The following DNM3 variants were observed in gnomAD, a reference collection of about 807,000 sequenced individuals.
DNM3 encodes the protein dynamin 3, also known as dynamin-3.
In DNM3, 47 loss-of-function variants were observed where a neutral mutation model predicts 101.6. That is an observed-to-expected ratio of 0.46 (90% CI 0.37 to 0.59). The LOEUF (loss-of-function observed/expected upper bound fraction) is 0.59, where lower values mean the gene tolerates loss of function less well. DNM3 is among the 20% of genes least tolerant of loss of function. DNM3 has a pLI of 0.00. For missense variants in DNM3, 849 were observed against 1,085.7 expected (o/e 0.78, Z 3.06); for synonymous variants, 385 against 387.9 (o/e 0.99, Z 0.09).
At chr1:172,278,199 A>G (rs373554801) in intron 15 of DNM3, among the ~76,000 whole-genome samples, 5 of 152,128 alleles carry the variant, frequency 3.3e-5, no homozygotes, top group African/African-American at 1.2e-4. Context: ...AGGTGTATAA[A>G]TAGCTATGGT....
intron 10 of DNM3, among the ~76,000 whole-genome samples, chr1:172,067,584 C>A (rs995836189): frequency 6.6e-6 from 1 of 152,110 alleles, no homozygotes; most frequent in East Asian, 1.9e-4. Context: ...CTGTTCCTGG[C>A]AAGCTTCATC....
At position 171,841,821 on chromosome 1, in the gene DNM3, A is replaced by T. The variant is rs758190686; in HGVS notation, c.161+4A>T. 17 of 1,604,942 alleles carry T rather than the reference A, an allele frequency of 1.1e-5. No individual in the cohort carries two copies. The highest frequency in any genetic ancestry group is 1.4e-5 in the Non-Finnish European group (17 of 1,177,946). On this transcript the variant is annotated splice_donor_region_variant and intron_variant, in intron 1 of 20. Transcript: ENST00000627582. ...TGCTCGAGAACTTCGTGGGCAGGTA[A>T]GCGCGCAGGGCGCGGAGTAAGGATG...
At chr1:172,068,719 G>C (rs2051904709) in intron 10 of DNM3, 100 bp from the exon 11 acceptor site, 3 of 1,038,492 alleles carry the variant, frequency 2.9e-6, no homozygotes, top group Non-Finnish European at 2.9e-6. Context: ...TTCCAGAATG[G>C]CAATGAATAT....
At chr1:172,164,307 G>T (rs901635147) in intron 14 of DNM3, among the ~76,000 whole-genome samples, 2 of 147,048 alleles carry the variant, frequency 1.4e-5, no homozygotes, top group African/African-American at 2.6e-5. Context: ...CAGTGTTAAG[G>T]TCTGTGTTCA....
intron 15 of DNM3, among the ~76,000 whole-genome samples, chr1:172,304,744 C>T (rs912339771): frequency 2.0e-5 from 3 of 152,156 alleles, no homozygotes; most frequent in African/African-American, 4.8e-5. Flanking sequence ...CAAAACCGCT[C>T]AACTACATGA....
Position 172,174,876 on chromosome 1 carries a change from A to G in DNM3, c.1659+43588A>G, listed in dbSNP as rs568289812. On this transcript the variant is annotated intron_variant, in intron 14 of 20. Coordinates refer to ENST00000627582, the MANE Select transcript of DNM3 (RefSeq NM_015569.5). The stretch of plus-strand genomic sequence containing the variant: ...AATATTTTCTGAATAAGATATCACA[A>G]AATGGTTCAGAAAGTTTCCATAATT... Among the ~76,000 whole-genome samples, 12 of 151,878 alleles carry G rather than the reference A, an allele frequency of 7.9e-5. No homozygotes were observed. In the East Asian group the frequency reaches 1.9e-3, roughly 25 times the overall value.
At chr1:172,169,792 T>A (rs593688) in intron 14 of DNM3, among the ~76,000 whole-genome samples, 43,708 of 151,760 alleles carry the variant, frequency 0.29, 6,642 homozygotes, top group Middle Eastern at 0.35. Context: ...TAAGCTGTTA[T>A]TTGATGTGAA....
intron 14 of DNM3, among the ~76,000 whole-genome samples, chr1:172,219,982 T>G (rs973286247): frequency 6.6e-6 from 1 of 152,188 alleles, no homozygotes; most frequent in Non-Finnish European, 1.5e-5. Context: ...TTTTTCTAGA[T>G]TGCAAGTAAG....
At chr1:172,269,904 G>C (rs2063016475) in intron 15 of DNM3, among the ~76,000 whole-genome samples, 3 of 152,126 alleles carry the variant, frequency 2.0e-5, no homozygotes, top group Admixed American at 6.6e-5. Flanking sequence ...AATATCCCTA[G>C]CTGGGCCCAG....
intron 4 of DNM3, among the ~76,000 whole-genome samples, chr1:171,990,868 C>T (rs951311908): frequency 2.0e-5 from 3 of 152,112 alleles, no homozygotes; most frequent in Non-Finnish European, 2.9e-5. Context: ...AGGACCATCA[C>T]CAGGACTCCC....
Position 172,409,152 on chromosome 1 carries a change from A to C in DNM3, c.*1311A>C, listed in dbSNP as rs1236347384. The C allele has an allele frequency of 1.0e-6, 1 of 985,306 alleles. No individual in the cohort carries two copies. The highest frequency in any genetic ancestry group is 1.2e-6 in the Non-Finnish European group (1 of 829,918). 61.0% of individuals were successfully genotyped at this position (985,306 alleles called of 1,614,324 possible). On this transcript the variant is annotated 3_prime_UTR_variant, in exon 21 of 21. Transcript: ENST00000627582. ...GATGATTCACATGTAGGAAACAGCCAGAAGCCAACTGGAATTTTGTGTGCT... is the reference window on the plus strand; with the variant it reads ...GATGATTCACATGTAGGAAACAGCCCGAAGCCAACTGGAATTTTGTGTGCT...
chr1:172,349,108 C>T (rs927617870), intron 17 of DNM3, among the ~76,000 whole-genome samples: 22 of 152,168 alleles, frequency 1.4e-4, no homozygotes, highest in Non-Finnish European at 2.8e-4. Flanking sequence ...TTTTCCTTTG[C>T]ACTTCTCTAG....
intron 10 of DNM3, among the ~76,000 whole-genome samples, chr1:172,052,682 TC>T (rs1173029946): frequency 6.6e-6 from 1 of 152,124 alleles, no homozygotes; most frequent in Non-Finnish European, 1.5e-5. Flanking sequence ...TGGGTTCTCT[TC>T]CCTCTTTCTC....
chr1:172,373,013 C>G (rs2068424535), intron 17 of DNM3, among the ~76,000 whole-genome samples: 2 of 151,948 alleles, frequency 1.3e-5, no homozygotes, highest in Admixed American at 6.6e-5. Flanking sequence ...GCCATTTTAT[C>G]AAATATTTCA....
intron 2 of DNM3, among the ~76,000 whole-genome samples, chr1:171,965,369 C>T (rs573912516): frequency 6.6e-6 from 1 of 151,042 alleles, no homozygotes; most frequent in African/African-American, 2.4e-5. Context: ...ATGGCAAGAC[C>T]CTGTGTCTAC....
chr1:172,168,770 G>T (rs917497920), intron 14 of DNM3, among the ~76,000 whole-genome samples: 12 of 151,852 alleles, frequency 7.9e-5, no homozygotes, highest in African/African-American at 2.9e-4. Context: ...CCCTCACACG[G>T]TCTTATTGCC....
intron 2 of DNM3, among the ~76,000 whole-genome samples, chr1:171,973,831 T>G (rs1462436247): frequency 6.6e-6 from 1 of 152,108 alleles, no homozygotes; most frequent in African/African-American, 2.4e-5. Flanking sequence ...GCCTGGCTAA[T>G]TTTTTGGATT....
At chr1:172,099,856 G>A (rs546167265) in intron 13 of DNM3, among the ~76,000 whole-genome samples, 101 of 152,210 alleles carry the variant, frequency 6.6e-4, no homozygotes, top group African/African-American at 2.4e-3. Context: ...CATTGTCTTC[G>A]GAAGGTGTGA....
rs2069363695 is a variant in DNM3, at chr1:172,388,965, C to T, written c.2522+156C>T. On this transcript the variant is annotated intron_variant, in intron 20 of 20. Transcript: ENST00000627582. Reference sequence around the variant, plus strand: ...CAGAGACTATAGGAAAATTGCCAACCCTGTTATGCCATTTAAAAATCACTT... The same window carrying T: ...CAGAGACTATAGGAAAATTGCCAACTCTGTTATGCCATTTAAAAATCACTT... 5 of 655,944 alleles carry T rather than the reference C, an allele frequency of 7.6e-6. No individual in the cohort carries two copies. In the Admixed American group the frequency reaches 8.8e-5, roughly 12 times the overall value. The allele number at this position is 655,944 out of a possible 1,614,324, so 40.6% of individuals were successfully genotyped here. A position where few individuals can be genotyped will look rare whatever the true frequency, so the allele number is the denominator to read the frequency against.
Sources: allele counts gnomAD v4.1 joint callset (sites outside exome capture counted in the v4.1 genomes callset), GRCh38; gene constraint gnomAD v4.1.1; transcripts MANE v1.5; gene names NCBI Gene and HGNC (gene_info 2026-07-23, HGNC 2026-07-21).